The following LAMA5 variants were observed in gnomAD, a reference collection of about 807,000 sequenced individuals.
LAMA5 encodes the protein laminin subunit alpha 5.
LAMA5 carries 260 observed loss-of-function variants against 433.4 expected under a neutral mutation model. The observed-to-expected ratio is 0.60, with a 90% CI of 0.54 to 0.66. LAMA5 has a LOEUF of 0.66. LAMA5 is among the 30% of genes least tolerant of loss of function. The pLI is 0.00. For missense variants in LAMA5, 5,378 were observed against 5,258.5 expected (o/e 1.02, Z -0.70); for synonymous variants, 2,620 against 2,226.6 (o/e 1.18, Z -4.97).
At chr20:62,321,920 C>T in intron 48 of LAMA5, 99 bp downstream of exon 48, 2 of 1,223,952 alleles carry the variant, frequency 1.6e-6, no homozygotes, top group Non-Finnish European at 2.4e-6. Flanking sequence ...CAGCTGGGAC[C>T]ACTCTGGGAG....
At position 62,318,556 on chromosome 20, in the gene LAMA5, G is replaced by A. The variant is rs115949677; in HGVS notation, c.7137C>T (p.Ala2379=). The change falls in exon 53 of 80, where the codon GCC becomes GCT. Residue 2379 remains alanine (A), a synonymous_variant. Transcript: ENST00000252999. The part of the protein sequence containing the change: ...QTRDRLAQHE[A]GLMDLREALN... ...AAGCCTCTCGCAGGTCCATGAGGCCGGCCTCGTGCTGGGCCAGCCGGTCGC... is the reference window on the plus strand; with the variant it reads ...AAGCCTCTCGCAGGTCCATGAGGCCAGCCTCGTGCTGGGCCAGCCGGTCGC... The A allele has an allele frequency of 4.3e-3, 6,879 of 1,610,144 alleles. 195 individuals carry two copies. The African/African-American group carries it at 0.069, about 16-fold the overall frequency.
At chr20:62,365,950 A>G (rs1162560048) in intron 1 of LAMA5, among the ~76,000 whole-genome samples, 1 of 152,114 alleles carries the variant, frequency 6.6e-6, no homozygotes. Context: ...ATTCATCCCC[A>G]TAACGTCTTG....
chr20:62,318,882 G>A lies in LAMA5; in HGVS notation c.7003C>T (p.Gln2335Ter). ...GCCAACTCAGCCTCAGCTGCTGCCTGCGGGGCCCCCAGGTCCCGGGCCCGC... is the reference window on the plus strand; with the variant it reads ...GCCAACTCAGCCTCAGCTGCTGCCTACGGGGCCCCCAGGTCCCGGGCCCGC... ...EMRARDLGAP[Q>*]AAAEAELAAA... The change falls in exon 52 of 80, where the codon CAG becomes TAG. Residue 2335 changes from glutamine to a stop codon, truncating the protein, a stop_gained. Coordinates refer to ENST00000252999, the MANE Select transcript of LAMA5 (RefSeq NM_005560.6). LOFTEE classifies it high-confidence loss of function. 1.9e-6 allele frequency: 3 copies of A among 1,609,080 alleles called. No individual in the cohort carries two copies. Among genetic ancestry groups the A allele is most frequent in the Non-Finnish European group, 1.7e-6 (2 of 1,179,110 alleles).
intron 1 of LAMA5, among the ~76,000 whole-genome samples, chr20:62,365,476 C>T (rs369066383): frequency 6.6e-6 from 1 of 152,210 alleles, no homozygotes; most frequent in African/African-American, 2.4e-5. Flanking sequence ...GGGCCTGTGG[C>T]CCCCAGCCAC....
In LAMA5 at chr20:62,309,481, G is replaced by C. The variant is rs570090902; in HGVS notation, c.10949-6C>G. 1 of 1,571,920 alleles carries C rather than the reference G, an allele frequency of 6.4e-7. No homozygotes were observed. Among genetic ancestry groups the C allele is most frequent in the African/African-American group, 1.3e-5 (1 of 74,466 alleles). ...GGGCTGCACGGCCATGGGCTCTGGG[G>C]GCACAGGGAAGATGGAAGAAGGCTG... On this transcript the variant is annotated splice_region_variant and splice_polypyrimidine_tract_variant and intron_variant, in intron 79 of 79. Transcript: ENST00000252999.
Position 62,312,664 on chromosome 20 carries a change from C to G in LAMA5, c.9195G>C (p.Leu3065=). 1.2e-6 allele frequency: 2 copies of G among 1,607,712 alleles called. No homozygotes were observed. Among genetic ancestry groups the G allele is most frequent in the Non-Finnish European group, 1.7e-6 (2 of 1,177,950 alleles). The change falls in exon 67 of 80, where the codon CTG becomes CTC. Residue 3065 remains leucine (L), a synonymous_variant. Coordinates refer to ENST00000252999, the MANE Select transcript of LAMA5 (RefSeq NM_005560.6). ...NDLELADAYY[L]GGVPPDQLPP... ...GCAGCTGGTCGGGCGGCACGCCCCC[C>G]AGGTAGTAGGCGTCGGCCAGCTCCA...
intron 28 of LAMA5, 91 bp downstream of exon 28, chr20:62,332,281 G>A (rs1980612744): frequency 2.2e-6 from 2 of 920,762 alleles, no homozygotes; most frequent in Admixed American, 3.8e-5. Context: ...TTGGGGACCT[G>A]GGACCCCAAC....
At chr20:62,349,271 A>C (rs1486428390) in intron 6 of LAMA5, among the ~76,000 whole-genome samples, 1 of 15,186 alleles carries the variant, frequency 6.6e-5, no homozygotes, top group Admixed American at 7.3e-4. Flanking sequence ...ACTCCATCTC[A>C]AAAAAAAAAA....
chr20:62,336,475 C>G, intron 17 of LAMA5, 30 bp from the exon 18 acceptor site: 1 of 1,567,186 alleles, frequency 6.4e-7, no homozygotes, highest in South Asian at 1.1e-5. Flanking sequence ...CAGGTCAGAG[C>G]GGGCGCCCTG....
At chr20:62,330,106 C>T (rs921407347) in intron 31 of LAMA5, among the ~76,000 whole-genome samples, 190 bp from the exon 32 acceptor site, 5 of 152,358 alleles carry the variant, frequency 3.3e-5, no homozygotes, top group Non-Finnish European at 7.4e-5. Flanking sequence ...TCATGACCTA[C>T]AGATGTCATG....
In LAMA5 at chr20:62,352,506, G is replaced by A. The variant is rs996873609; in HGVS notation, c.569-146C>T. 72 of 641,102 alleles carry A rather than the reference G, an allele frequency of 1.1e-4. No homozygotes were observed. In the East Asian group the frequency reaches 1.9e-3, roughly 17 times the overall value. 39.7% of individuals were successfully genotyped at this position (641,102 alleles called of 1,614,324 possible). On this transcript the variant is annotated intron_variant, in intron 3 of 79. Transcript: ENST00000252999. ...GCGTGACAGAGACCACAGCTCACTG[G>A]CTGAAGGGGCCTGGCCCGTTGGACT...
At chr20:62,333,521 C>A (rs1195083420) in intron 24 of LAMA5, 40 bp from the exon 25 acceptor site, 3 of 1,585,758 alleles carry the variant, frequency 1.9e-6, no homozygotes, top group Middle Eastern at 1.7e-4. Flanking sequence ...TGGGCCCCAC[C>A]CCCTGACCCG....
At chr20:62,348,215 C>T (rs1232702649) in intron 6 of LAMA5, among the ~76,000 whole-genome samples, 46 of 152,066 alleles carry the variant, frequency 3.0e-4, no homozygotes. Flanking sequence ...TGCAGAGAAA[C>T]AATGTGGCAG....
At chr20:62,336,635 T>C (rs1601367756) in intron 17 of LAMA5, 99 bp downstream of exon 17, 1 of 1,435,950 alleles carries the variant, frequency 7.0e-7, no homozygotes, top group East Asian at 2.3e-5. Context: ...CCATGGCAAC[T>C]GAGCAGCAGG....
chr20:62,348,793 T>C (rs1444448716), intron 6 of LAMA5, among the ~76,000 whole-genome samples: 1 of 151,882 alleles, frequency 6.6e-6, no homozygotes, highest in Non-Finnish European at 1.5e-5. Context: ...AGAGATTTAG[T>C]GAAGTGGAAG....
At chr20:62,350,511 C>T (rs1984130746) in intron 6 of LAMA5, among the ~76,000 whole-genome samples, 1 of 152,200 alleles carries the variant, frequency 6.6e-6, no homozygotes, top group African/African-American at 2.4e-5. Context: ...CTGAGCTCCA[C>T]CCGCCTCCCC....
rs1986362445 is a variant in LAMA5 at position 62,312,280 on chromosome 20, G to A, written c.9397C>T (p.Leu3133Phe). The change falls in exon 69 of 80, where the codon CTT (leucine) becomes TTT (phenylalanine). Residue 3133 changes from leucine to phenylalanine, a missense_variant. Physicochemically the swap from Leu to Phe is conservative, Grantham distance 22 (BLOSUM62 0). Coordinates refer to ENST00000252999, the MANE Select transcript of LAMA5 (RefSeq NM_005560.6). ...RAMTFHGHGFLRLALSNVAPL... is the reference protein window; with the variant it reads ...RAMTFHGHGFFRLALSNVAPL... ...GCCACGTTCGAGAGCGCCAGGCGAA[G>A]GAAGCCGTGGCCATGGAAAGTCATG... 6.2e-7 allele frequency: 1 copy of A among 1,611,302 alleles called. No individual in the cohort carries two copies. Among genetic ancestry groups the A allele is most frequent in the South Asian group, 1.1e-5 (1 of 90,906 alleles).
intron 2 of LAMA5, among the ~76,000 whole-genome samples, chr20:62,353,575 T>C (rs1984702533): frequency 6.6e-6 from 1 of 152,154 alleles, no homozygotes; most frequent in Non-Finnish European, 1.5e-5. Context: ...TGGCTGCAGA[T>C]GGAGCAAGCT....
intron 11 of LAMA5, among the ~76,000 whole-genome samples, chr20:62,340,305 GTTTTT>G (rs34415039): frequency 5.6e-4 from 56 of 99,462 alleles, no homozygotes; most frequent in South Asian, 7.8e-4. Context: ...AGCCTCCTTT[GTTTTT>G]TTTTTTTTTT....
Sources: allele counts gnomAD v4.1 joint callset (sites outside exome capture counted in the v4.1 genomes callset), GRCh38; gene constraint gnomAD v4.1.1; transcripts MANE v1.5; gene names NCBI Gene and HGNC (gene_info 2026-07-23, HGNC 2026-07-21).